The following ALOX12B variants were observed in gnomAD, a reference collection of about 807,000 sequenced individuals.
ALOX12B encodes arachidonate 12-lipoxygenase, 12R-type.
A neutral mutation model predicts 78.9 loss-of-function variants in ALOX12B; 47 were observed. That is an observed-to-expected ratio of 0.60 (90% confidence interval 0.47 to 0.76). The LOEUF (loss-of-function observed/expected upper bound fraction) is 0.76, where lower values mean the gene tolerates loss of function less well. Among genes scored for constraint, ALOX12B ranks in the 30% least tolerant of loss-of-function variants. The pLI, the probability that ALOX12B is intolerant of heterozygous loss-of-function variation, is 0.00. For synonymous variants in ALOX12B, 370 were observed against 374.5 expected (o/e 0.99, Z 0.14); for missense variants, 805 against 922.6 (o/e 0.87, Z 1.65).
intron 12 of ALOX12B, among the ~76,000 whole-genome samples, chr17:8,074,215 C>G (rs1189307704): frequency 6.6e-6 from 1 of 152,158 alleles, no homozygotes; most frequent in Non-Finnish European, 1.5e-5. Flanking sequence ...CACATCTTCC[C>G]TACCAAGCTG....
Position 8,076,452 on chromosome 17 carries a change from C to A in ALOX12B, c.1363-108G>T, listed in dbSNP as rs954225014. On this transcript the variant is annotated intron_variant, in intron 10 of 14. Transcript: ENST00000647874. Reference sequence around the variant, plus strand: ...CTGTAACCCCTGACCCAGCCCACCCCACCTCCAGGAACAATCCTGCTCTGG... The same window carrying A: ...CTGTAACCCCTGACCCAGCCCACCCAACCTCCAGGAACAATCCTGCTCTGG... 8 of 1,403,420 alleles carry A rather than the reference C, an allele frequency of 5.7e-6. No homozygotes were observed. The African/African-American group carries it at 8.6e-5, about 15-fold the overall frequency. 86.9% of individuals were successfully genotyped at this position (1,403,420 alleles called of 1,614,324 possible).
chr17:8,080,842 G>C lies in ALOX12B; in HGVS notation c.527+42C>G. ...GGCGGGGAGGAGGCAGGCGCCCAGGGGAAAACCATGGGCGGGGCCCAGCAC... is the reference window on the plus strand; with the variant it reads ...GGCGGGGAGGAGGCAGGCGCCCAGGCGAAAACCATGGGCGGGGCCCAGCAC... On this transcript the variant is annotated intron_variant, in intron 4 of 14. Transcript: ENST00000647874. This position sits in a 1 kb window ranked among gnomAD's most constrained non-coding sequence, Gnocchi z 4.8. 1 of 1,613,868 alleles carries C rather than the reference G, an allele frequency of 6.2e-7. No homozygotes were observed. Among genetic ancestry groups the C allele is most frequent in the East Asian group, 2.2e-5 (1 of 44,860 alleles).
Position 8,075,723 on chromosome 17 carries a change from AG to A in ALOX12B, c.1533-8del. 1 of 1,614,152 alleles carries A rather than the reference AG, an allele frequency of 6.2e-7. No homozygotes were observed. Among genetic ancestry groups the A allele is most frequent in the Admixed American group, 1.7e-5 (1 of 60,020 alleles). ...GATGATCTCCGTCACATACCTGACC[AG>A]GGGACAGGGCCTCAGTTTGGATCCT... On this transcript the variant is annotated splice_polypyrimidine_tract_variant and splice_region_variant and intron_variant, in intron 11 of 14. Transcript: ENST00000647874.
In ALOX12B at chr17:8,079,827, G is replaced by A. The variant is rs2074752308; in HGVS notation, c.869C>T (p.Thr290Ile). The A allele has an allele frequency of 1.2e-5, 19 of 1,613,596 alleles. No individual in the cohort carries two copies. Among genetic ancestry groups the A allele is most frequent in the Non-Finnish European group, 1.5e-5 (18 of 1,179,966 alleles). ...CTRIPDKFPV[T>I]DDMVAPFLGE... ...CAGGAACGGAGCCACCATGTCGTCTGTGACGGGGAACTTGTCTGGGATCCG... is the reference window on the plus strand; with the variant it reads ...CAGGAACGGAGCCACCATGTCGTCTATGACGGGGAACTTGTCTGGGATCCG... The change falls in exon 7 of 15, where the codon ACA becomes ATA. Residue 290 changes from threonine to isoleucine, a missense_variant. By Grantham distance (89) the Thr-to-Ile change is moderately conservative. Coordinates refer to ENST00000647874, the MANE Select transcript of ALOX12B (RefSeq NM_001139.3). This position sits in a 1 kb window ranked among gnomAD's most constrained non-coding sequence, Gnocchi z 6.4.
chr17:8,077,857 A>G (rs1395916944), intron 8 of ALOX12B, among the ~76,000 whole-genome samples: 1 of 152,168 alleles, frequency 6.6e-6, no homozygotes, highest in Non-Finnish European at 1.5e-5. Context: ...ACACATATAC[A>G]TGCACACACT....
intron 8 of ALOX12B, among the ~76,000 whole-genome samples, chr17:8,077,889 G>T (rs1201203507): frequency 6.6e-6 from 1 of 152,144 alleles, no homozygotes; most frequent in African/African-American, 2.4e-5. Context: ...ACACATAGGG[G>T]CATACAAGTA....
chr17:8,082,268 G>A (rs1210256567), intron 2 of ALOX12B, among the ~76,000 whole-genome samples: 1 of 152,134 alleles, frequency 6.6e-6, no homozygotes, highest in East Asian at 1.9e-4. Context: ...ACTGACAGTT[G>A]TTTAGCACTT....
Position 8,080,788 on chromosome 17 carries a change from G to A in ALOX12B, c.528-8C>T, listed in dbSNP as rs200448967. ...GGAATATAGCCATTCCACCTGTGGG[G>A]AGAAGCGCAGGGCAACTGGGATCCA... On this transcript the variant is annotated splice_region_variant and splice_polypyrimidine_tract_variant and intron_variant, in intron 4 of 14. Coordinates refer to ENST00000647874, the MANE Select transcript of ALOX12B (RefSeq NM_001139.3). This position sits in a 1 kb window ranked among gnomAD's most constrained non-coding sequence, Gnocchi z 4.8. The A allele has an allele frequency of 3.1e-4, 497 of 1,614,158 alleles. 3 individuals are homozygous for A. In the Middle Eastern group the frequency reaches 0.018, roughly 58 times the overall value.
chr17:8,083,043 G>A lies in ALOX12B; in HGVS notation c.353-1856C>T, dbSNP rs182592516. The stretch of plus-strand genomic sequence containing the variant: ...AAAGCCTGCTGTGAATCTCCCTGAG[G>A]CTATATACAATCTTTATTTAACTCA... On this transcript the variant is annotated intron_variant, in intron 2 of 14. Coordinates refer to ENST00000647874, the MANE Select transcript of ALOX12B (RefSeq NM_001139.3). 1.2e-4 allele frequency among the ~76,000 whole-genome samples: 19 copies of A among 152,190 alleles called. No homozygotes were observed. The East Asian group carries it at 3.7e-3, about 29-fold the overall frequency.
Position 8,079,302 on chromosome 17 carries a change from T to G in ALOX12B, c.1071+94A>C. On this transcript the variant is annotated intron_variant, in intron 8 of 14. Coordinates refer to ENST00000647874, the MANE Select transcript of ALOX12B (RefSeq NM_001139.3). The surrounding 1 kb of genome is among the most constrained non-coding windows in gnomAD (Gnocchi z 6.4). Reference sequence around the variant, plus strand: ...GGATAACGAGAGACGGCTGAATACATGCAGGTCCACACGCTCACATAAGCG... The same window carrying G: ...GGATAACGAGAGACGGCTGAATACAGGCAGGTCCACACGCTCACATAAGCG... 1 of 1,509,564 alleles carries G rather than the reference T, an allele frequency of 6.6e-7. No homozygotes were observed. Among genetic ancestry groups the G allele is most frequent in the South Asian group, 1.2e-5 (1 of 81,026 alleles). 93.5% of individuals were successfully genotyped at this position (1,509,564 alleles called of 1,614,324 possible).
intron 1 of ALOX12B, among the ~76,000 whole-genome samples, chr17:8,086,560 G>A (rs561203586): frequency 1.9e-4 from 29 of 152,282 alleles, no homozygotes; most frequent in Admixed American, 4.6e-4. Context: ...TACAGTTTTC[G>A]AGTGGGGAGA....
At chr17:8,085,994 G>A in intron 2 of ALOX12B, 22 bp downstream of exon 2, 2 of 1,613,034 alleles carry the variant, frequency 1.2e-6, no homozygotes, top group Non-Finnish European at 1.7e-6. Context: ...CCATAGGATG[G>A]AGCAGGGTGA....
Position 8,075,399 on chromosome 17 carries a change from T to C in ALOX12B, c.1654+196A>G, listed in dbSNP as rs571789178. On this transcript the variant is annotated intron_variant, in intron 12 of 14. Transcript: ENST00000647874. ...GGGACCCATTGCCAGCCATGTTTTC[T>C]TCCCCAACCTCTCTGAGATGCCACT... 5.9e-5 allele frequency among the ~76,000 whole-genome samples: 9 copies of C among 152,314 alleles called. No individual in the cohort carries two copies. In the South Asian group the frequency reaches 1.9e-3, roughly 32 times the overall value.
Position 8,079,698 on chromosome 17 carries a change from T to C in ALOX12B, c.927+71A>G. 6.4e-7 allele frequency: 1 copy of C among 1,557,364 alleles called. No homozygotes were observed. Among genetic ancestry groups the C allele is most frequent in the Non-Finnish European group, 8.7e-7 (1 of 1,152,244 alleles). On this transcript the variant is annotated intron_variant, in intron 7 of 14. Coordinates refer to ENST00000647874, the MANE Select transcript of ALOX12B (RefSeq NM_001139.3). The surrounding 1 kb of genome is among the most constrained non-coding windows in gnomAD (Gnocchi z 6.4). ...CTGGGACTGGCGCGGGCGCCGGAGG[T>C]GGGGAGAGACGGGGATGCCCGCGAG...
chr17:8,072,833 A>G lies in ALOX12B; in HGVS notation c.2044T>C (p.Cys682Arg). 6.2e-7 allele frequency: 1 copy of G among 1,614,188 alleles called. No homozygotes were observed. The highest frequency in any genetic ancestry group is 8.5e-7 in the Non-Finnish European group (1 of 1,180,026). ...AGGTAGTAGTAGGGGATGGGAAGGC[A>G]CTTGTTGCGCTGGCGGATGTCGTGT... is the stretch of plus-strand genomic sequence containing the variant. ...ISHDIRQRNK[C>R]LPIPYYYLDP... The change falls in exon 15 of 15, where the codon TGC (cysteine) becomes CGC (arginine). Residue 682 changes from cysteine (C) to arginine (R), a missense_variant. Transcript: ENST00000647874.
At chr17:8,085,185 C>G (rs915549357) in intron 2 of ALOX12B, among the ~76,000 whole-genome samples, 5 of 152,120 alleles carry the variant, frequency 3.3e-5, no homozygotes, top group Non-Finnish European at 7.4e-5. Flanking sequence ...TCCCATCAGT[C>G]TAAAAAATGC....
At chr17:8,073,539 GA>G (rs1977024821) in intron 13 of ALOX12B, 117 bp downstream of exon 13, 1 of 1,126,150 alleles carries the variant, frequency 8.9e-7, no homozygotes, top group African/African-American at 1.5e-5. Flanking sequence ...GTTGAAGCTG[GA>G]ACAAGTTGAG....
chr17:8,085,893 A>T, intron 2 of ALOX12B, 123 bp downstream of exon 2: 1 of 1,144,876 alleles, frequency 8.7e-7, no homozygotes. Context: ...AGGAGAGCCC[A>T]GGAGTCCCTG....
intron 8 of ALOX12B, 118 bp from the exon 9 acceptor site, chr17:8,077,311 G>T: frequency 9.9e-7 from 1 of 1,010,896 alleles, no homozygotes; most frequent in African/African-American, 1.6e-5. Flanking sequence ...CTAAGCTCCG[G>T]TCCCACTGGT....
Sources: allele counts gnomAD v4.1 joint callset (sites outside exome capture counted in the v4.1 genomes callset), GRCh38; gene constraint gnomAD v4.1.1; non-coding constraint Gnocchi (gnomAD v3.1); transcripts MANE v1.5; gene names NCBI Gene and HGNC (gene_info 2026-07-23, HGNC 2026-07-21).